Variants in ABCA3 observed in about 807,000 individuals in gnomAD.
The protein encoded by ABCA3 is ATP binding cassette subfamily A member 3.
In ABCA3, 88 loss-of-function variants were observed where a neutral mutation model predicts 172.8. That is an observed-to-expected ratio of 0.51 (90% CI 0.43 to 0.61). The LOEUF is 0.61. Ranked by LOEUF, ABCA3 falls within the 20% of genes least tolerant of loss-of-function variation. The pLI is 0.00. For synonymous variants in ABCA3, 1,066 were observed against 983.8 expected, an observed-to-expected ratio of 1.08 and a Z score of -1.56; for missense variants, 2,164 against 2,301.0, an observed-to-expected ratio of 0.94 and a Z score of 1.22.
intron 10 of ABCA3, 73 bp from the exon 11 acceptor site, chr16:2,308,696 A>T (rs1449732791): frequency 3.2e-6 from 5 of 1,577,194 alleles, no homozygotes; most frequent in African/African-American, 1.3e-5. Context: ...CCCGAGGTAC[A>T]GGCAACCCCC....
At chr16:2,321,168 A>G (rs1239751100) in intron 7 of ABCA3, among the ~76,000 whole-genome samples, 1 of 152,156 alleles carries the variant, frequency 6.6e-6, no homozygotes, top group African/African-American at 2.4e-5. Flanking sequence ...CCCCAGTCTC[A>G]GCAGCCAGTG....
chr16:2,300,967 G>A (rs183303439), intron 12 of ABCA3, among the ~76,000 whole-genome samples: 3,151 of 152,004 alleles, frequency 0.021, 49 homozygotes, highest in Middle Eastern at 0.088. Context: ...ACGGTGGCTC[G>A]AGCCTGTAAT....
intron 11 of ABCA3, among the ~76,000 whole-genome samples, chr16:2,307,293 C>T (rs2093699382): frequency 6.6e-6 from 1 of 152,080 alleles, no homozygotes; most frequent in African/African-American, 2.4e-5. Context: ...CAGTGGCTCA[C>T]TCCTGTAATC....
At chr16:2,305,782 C>T (rs2093696758) in intron 11 of ABCA3, among the ~76,000 whole-genome samples, 1 of 152,082 alleles carries the variant, frequency 6.6e-6, no homozygotes, top group South Asian at 2.1e-4. Context: ...TGCTATGTTG[C>T]CCAGGCTGGT....
intron 18 of ABCA3, among the ~76,000 whole-genome samples, chr16:2,292,458 C>T (rs576909466): frequency 4.0e-5 from 6 of 151,682 alleles, no homozygotes; most frequent in Admixed American, 6.6e-5. Flanking sequence ...AAATTAGCCA[C>T]GTGTGGTAGC....
At chr16:2,315,429 T>C (rs2093713682) in intron 10 of ABCA3, among the ~76,000 whole-genome samples, 1 of 152,098 alleles carries the variant, frequency 6.6e-6, no homozygotes, top group South Asian at 2.1e-4. Flanking sequence ...CACCTATCTG[T>C]GGAGAATTTC....
At chr16:2,334,905 G>A (rs1038079723) in intron 1 of ABCA3, among the ~76,000 whole-genome samples, 3 of 149,174 alleles carry the variant, frequency 2.0e-5, no homozygotes, top group Non-Finnish European at 3.0e-5. Context: ...CTTGGCTCAT[G>A]GCTACATCCA....
In ABCA3 at chr16:2,319,204, G is replaced by A. The variant is rs114200036; in HGVS notation, c.873+377C>T. 8.0e-3 allele frequency among the ~76,000 whole-genome samples: 1,216 copies of A among 152,080 alleles called. 16 individuals are homozygous for A. The highest frequency in any genetic ancestry group is 0.027 in the African/African-American group (1,137 of 41,504). ...GCCTTGGCAATATAGAAAGACCTCCGGCCGGGCACGGTGGCTCACGCCTGT... is the reference window on the plus strand; with the variant it reads ...GCCTTGGCAATATAGAAAGACCTCCAGCCGGGCACGGTGGCTCACGCCTGT... On this transcript the variant is annotated intron_variant, in intron 8 of 32. Coordinates refer to ENST00000301732, the MANE Select transcript of ABCA3 (RefSeq NM_001089.3).
intron 17 of ABCA3, among the ~76,000 whole-genome samples, chr16:2,296,192 C>T (rs2093679520): frequency 6.6e-6 from 1 of 151,954 alleles, no homozygotes. Flanking sequence ...ATGCATCTCA[C>T]CTCTTTCCCA....
chr16:2,310,420 A>G (rs1292953718), intron 10 of ABCA3, among the ~76,000 whole-genome samples: 1 of 145,366 alleles, frequency 6.9e-6, no homozygotes, highest in Non-Finnish European at 1.5e-5. Flanking sequence ...ACAAACAAAC[A>G]AACAAAAAAA....
chr16:2,281,273 G>A lies in ABCA3; in HGVS notation c.4165-52C>T. The A allele has an allele frequency of 1.2e-6, 2 of 1,613,168 alleles. No homozygotes were observed. Among genetic ancestry groups the A allele is most frequent in the Non-Finnish European group, 1.7e-6 (2 of 1,179,858 alleles). ...AATGCGGAGGCCTGGACGCAAAGCAGAGCAGTCTGAGCCTCAGCGCCGAAA... is the reference window on the plus strand; with the variant it reads ...AATGCGGAGGCCTGGACGCAAAGCAAAGCAGTCTGAGCCTCAGCGCCGAAA... On this transcript the variant is annotated intron_variant, in intron 27 of 32. Transcript: ENST00000301732. The surrounding 1 kb of genome is among the most constrained non-coding windows in gnomAD (Gnocchi z 4.7).
In ABCA3 at chr16:2,297,768, T is replaced by C; in HGVS notation, c.2050A>G (p.Lys684Glu). The change falls in exon 16 of 33, where the codon AAG becomes GAG. Residue 684 changes from lysine to glutamate, a missense_variant and splice_region_variant. Lys to Glu is a moderately conservative substitution (Grantham distance 56). This residue lies in a region of ABCA3 where 1,343 missense variants were observed against 1,369.6 expected (regional missense o/e 0.98). Coordinates refer to ENST00000301732, the MANE Select transcript of ABCA3 (RefSeq NM_001089.3). This position sits in a 1 kb window ranked among gnomAD's most constrained non-coding sequence, Gnocchi z 5.6. ...TGCCTCCAGTCCCACCGCCACACCTTGGAGCCTGCGATGAGGGCGATGCCG... is the reference window on the plus strand; with the variant it reads ...TGCCTCCAGTCCCACCGCCACACCTCGGAGCCTGCGATGAGGGCGATGCCG... ...SIGIALIAGS[K>E]VLILDEPTSG... The C allele has an allele frequency of 6.2e-7, 1 of 1,611,588 alleles. No homozygotes were observed.
At chr16:2,289,653 C>G (rs2093668787) in intron 19 of ABCA3, 33 bp from the exon 20 acceptor site, 1 of 1,543,136 alleles carries the variant, frequency 6.5e-7, no homozygotes, top group Non-Finnish European at 8.7e-7. Context: ...CGGTCAGGAC[C>G]CAGCTCCCCG....
rs116411821 is a variant in ABCA3 at position 2,277,007 on chromosome 16, G to C, written c.4984-202C>G. Among the ~76,000 whole-genome samples the C allele has an allele frequency of 0.016, 2,458 of 152,320 alleles. 75 individuals carry two copies. The highest frequency in any genetic ancestry group is 0.055 in the African/African-American group (2,305 of 41,560). On this transcript the variant is annotated intron_variant, in intron 32 of 32. Coordinates refer to ENST00000301732, the MANE Select transcript of ABCA3 (RefSeq NM_001089.3). The surrounding 1 kb of genome is among the most constrained non-coding windows in gnomAD (Gnocchi z 5.3). ...GGACGCTGGCTAAGCAGGAGCCAGCGGGGATGGGGCCCAGCCTCCTCCCTG... is the reference window on the plus strand; with the variant it reads ...GGACGCTGGCTAAGCAGGAGCCAGCCGGGATGGGGCCCAGCCTCCTCCCTG...
Position 2,276,038 on chromosome 16 carries a change from C to T in ABCA3, c.*636G>A. The T allele has an allele frequency of 3.6e-6, 1 of 278,672 alleles. No individual in the cohort carries two copies. The allele number at this position is 278,672 out of a possible 1,614,324, so 17.3% of individuals were successfully genotyped here. A position where few individuals can be genotyped will look rare whatever the true frequency, so the allele number is the denominator to read the frequency against. ...CAGAGACTGCTTCGAGCCTGGCCAC[C>T]TTCCCTCCTGTGCCGGCTGCTTCTA... is the stretch of plus-strand genomic sequence containing the variant. On this transcript the variant is annotated 3_prime_UTR_variant, in exon 33 of 33. Coordinates refer to ENST00000301732, the MANE Select transcript of ABCA3 (RefSeq NM_001089.3).
rs753223759 is a variant in ABCA3, at chr16:2,298,473, C to G, written c.1809G>C (p.Gln603His). Reference protein sequence around the residue: ...SGYEISQDMVQIRKSLGLCPQ... With the variant: ...SGYEISQDMVHIRKSLGLCPQ... ...GGCACAGGCCCAGGCTCTTCCGGAT[C>G]TGAACCATGTCCTGGGAAATTTCAT... Residue 603 changes from glutamine (Q) to histidine (H), a missense_variant, in exon 15 of 33, where the codon CAG becomes CAC. Gln to His is a conservative substitution (Grantham distance 24, BLOSUM62 0). This residue lies in a region of ABCA3 where 1,343 missense variants were observed against 1,369.6 expected (regional missense o/e 0.98). Transcript: ENST00000301732. 3.1e-6 allele frequency: 5 copies of G among 1,614,120 alleles called. No individual in the cohort carries two copies. The East Asian group carries it at 1.1e-4, about 36-fold the overall frequency.
chr16:2,317,510 G>C (rs969033155), intron 9 of ABCA3, 107 bp from the exon 10 acceptor site: 2 of 1,581,782 alleles, frequency 1.3e-6, no homozygotes, highest in Non-Finnish European at 1.7e-6. Context: ...AGAGGAGTGG[G>C]ACATTGACAG....
At position 2,278,559 on chromosome 16, in the gene ABCA3, G is replaced by A. The variant is rs2093650255; in HGVS notation, c.4548-101C>T. ...GTGTCCCAGCAGCGGCCCACACCCA[G>A]CAATTGCAGAACAGCCCTAGTGAAG... On this transcript the variant is annotated intron_variant, in intron 29 of 32. Transcript: ENST00000301732. This position sits in a 1 kb window ranked among gnomAD's most constrained non-coding sequence, Gnocchi z 4.4. 6.9e-7 allele frequency: 1 copy of A among 1,451,014 alleles called. No homozygotes were observed. Among genetic ancestry groups the A allele is most frequent in the South Asian group, 1.2e-5 (1 of 85,274 alleles). 89.9% of individuals were successfully genotyped at this position (1,451,014 alleles called of 1,614,324 possible).
chr16:2,326,570 A>T (rs756535046), intron 3 of ABCA3, 78 bp from the exon 4 acceptor site: 1 of 1,456,024 alleles, frequency 6.9e-7, no homozygotes, highest in Non-Finnish European at 9.4e-7. Flanking sequence ...AAAGCCATGG[A>T]CCCTTTTTCC....
Sources: allele counts gnomAD v4.1 joint callset (sites outside exome capture counted in the v4.1 genomes callset), GRCh38; gene constraint gnomAD v4.1.1; regional missense constraint gnomAD v4.1.1; non-coding constraint Gnocchi (gnomAD v3.1); transcripts MANE v1.5; gene names NCBI Gene and HGNC (gene_info 2026-07-23, HGNC 2026-07-21).